The following TNIK variants were observed in gnomAD, a reference collection of about 807,000 sequenced individuals.
The protein encoded by TNIK is TRAF2 and NCK-interacting protein kinase.
TNIK carries 49 observed loss-of-function variants against 191.3 expected under a neutral mutation model. The ratio of observed to expected loss-of-function variants is 0.26; its 90% confidence interval spans 0.20 to 0.32. The LOEUF (loss-of-function observed/expected upper bound fraction) is 0.32. TNIK is among the 10% of genes least tolerant of loss of function. The pLI is 1.00. For synonymous variants in TNIK, 594 were observed against 600.9 expected, an observed-to-expected ratio of 0.99 and a Z score of 0.17; for missense variants, 1,155 against 1,702.3, an observed-to-expected ratio of 0.68 and a Z score of 5.66.
rs1230176918 is a variant in TNIK at position 171,451,293 on chromosome 3, T to C, written c.57+8714A>G. 2.6e-5 allele frequency among the ~76,000 whole-genome samples: 4 copies of C among 152,304 alleles called. No homozygotes were observed. In the East Asian group the frequency reaches 7.7e-4, roughly 29 times the overall value. The stretch of plus-strand genomic sequence containing the variant: ...CAAGCAACCAATGGAGCCACCTACG[T>C]GGGGAGGAACTGAGGCCTCCTGCCA... On this transcript the variant is annotated intron_variant, in intron 1 of 32. Transcript: ENST00000436636.
At chr3:171,307,961 T>C (rs1040191595) in intron 2 of TNIK, among the ~76,000 whole-genome samples, 4 of 152,078 alleles carry the variant, frequency 2.6e-5, no homozygotes, top group African/African-American at 9.7e-5. Context: ...GAAAAATCTA[T>C]CACTGGAAGA....
chr3:171,422,786 C>T (rs1471603545), intron 1 of TNIK, among the ~76,000 whole-genome samples: 1 of 152,198 alleles, frequency 6.6e-6, no homozygotes. Context: ...AAGGAGTTCT[C>T]ATTAGTGAGT....
intron 18 of TNIK, among the ~76,000 whole-genome samples, chr3:171,120,609 G>A (rs542617346): frequency 2.1e-4 from 32 of 152,128 alleles, no homozygotes; most frequent in Non-Finnish European, 3.4e-4. Flanking sequence ...GTGAGCCACC[G>A]CGCCCGGCCT....
intron 2 of TNIK, among the ~76,000 whole-genome samples, chr3:171,337,140 C>T (rs192289434): frequency 1.1e-4 from 16 of 152,372 alleles, no homozygotes; most frequent in Admixed American, 7.8e-4. Flanking sequence ...TGTGCACTAA[C>T]AGGACTCCAG....
intron 7 of TNIK, among the ~76,000 whole-genome samples, chr3:171,179,841 C>T (rs1463671358): frequency 6.6e-6 from 1 of 152,110 alleles, no homozygotes; most frequent in Non-Finnish European, 1.5e-5. Context: ...AGGCTTTAAA[C>T]AGGAAACACA....
Position 171,128,709 on chromosome 3 carries a change from T to A in TNIK, c.1773+5A>T. ...AATGCCTGATGGAATGGAGGCAGAC[T>A]GTACCTGGGGATCGACTGGTCTGAG... On this transcript the variant is annotated splice_donor_5th_base_variant and intron_variant, in intron 16 of 32. Coordinates refer to ENST00000436636, the MANE Select transcript of TNIK (RefSeq NM_015028.4). 6.2e-7 allele frequency: 1 copy of A among 1,606,696 alleles called. No homozygotes were observed. The highest frequency in any genetic ancestry group is 8.5e-7 in the Non-Finnish European group (1 of 1,176,448).
intron 27 of TNIK, among the ~76,000 whole-genome samples, chr3:171,081,082 A>G (rs528222947): frequency 1.3e-5 from 2 of 152,286 alleles, no homozygotes; most frequent in South Asian, 4.1e-4. Context: ...TTGCATTCCC[A>G]CTTTTGGCAG....
At chr3:171,197,677 G>C (rs1488313905) in intron 4 of TNIK, among the ~76,000 whole-genome samples, 1 of 152,172 alleles carries the variant, frequency 6.6e-6, no homozygotes, top group Non-Finnish European at 1.5e-5. Context: ...TAGTCATTAG[G>C]AAAATACAAA....
At chr3:171,228,088 G>A (rs1351009117) in intron 3 of TNIK, 77 bp downstream of exon 3, 2 of 1,464,400 alleles carry the variant, frequency 1.4e-6, no homozygotes, top group Non-Finnish European at 9.5e-7. Context: ...CTTATGATGG[G>A]CCTATCAGGA....
chr3:171,239,630 TG>T (rs1744709234), intron 2 of TNIK, among the ~76,000 whole-genome samples: 1 of 152,226 alleles, frequency 6.6e-6, no homozygotes. Context: ...CTCCAACAGA[TG>T]TCTTCTGTGT....
chr3:171,381,413 T>C (rs1309872900), intron 1 of TNIK, among the ~76,000 whole-genome samples: 1 of 152,212 alleles, frequency 6.6e-6, no homozygotes, highest in Admixed American at 6.5e-5. Flanking sequence ...TTTTCCTAAC[T>C]TGTCTGGCCA....
intron 2 of TNIK, among the ~76,000 whole-genome samples, chr3:171,292,775 CAAAAAAAAA>C (rs59314303): frequency 3.5e-5 from 3 of 85,056 alleles, no homozygotes; most frequent in African/African-American, 8.5e-5. Context: ...GACTCCATCT[CAAAAAAAAA>C]AAAAAAAAAA....
At chr3:171,263,431 G>A (rs113078471) in intron 2 of TNIK, among the ~76,000 whole-genome samples, 96 of 152,294 alleles carry the variant, frequency 6.3e-4, no homozygotes, top group African/African-American at 2.3e-3. Context: ...GTACCAGACT[G>A]CAACTCTGTC....
In TNIK at chr3:171,160,042, C is replaced by A. The variant is rs1261052641; in HGVS notation, c.1016+1228G>T. On this transcript the variant is annotated intron_variant, in intron 11 of 32. Coordinates refer to ENST00000436636, the MANE Select transcript of TNIK (RefSeq NM_015028.4). ...GTAACCTTTTGGGTAAGCTTTTGAA[C>A]ACTGGTGTACAACTTCTCTGAAAGC... is the stretch of plus-strand genomic sequence containing the variant. 3.3e-5 allele frequency among the ~76,000 whole-genome samples: 5 copies of A among 152,204 alleles called. 1 individual carries two copies. Among genetic ancestry groups the A allele is most frequent in the African/African-American group, 1.2e-4 (5 of 41,456 alleles).
intron 28 of TNIK, among the ~76,000 whole-genome samples, chr3:171,073,594 C>G (rs1048982038): frequency 3.9e-5 from 6 of 152,100 alleles, no homozygotes; most frequent in Middle Eastern, 3.2e-3. Context: ...AGACAACCTA[C>G]ATGATGGGAG....
At chr3:171,288,472 G>T (rs1261867983) in intron 2 of TNIK, among the ~76,000 whole-genome samples, 1 of 152,104 alleles carries the variant, frequency 6.6e-6, no homozygotes, top group African/African-American at 2.4e-5. Flanking sequence ...GGTGGCATGA[G>T]GAACATTCAG....
intron 7 of TNIK, among the ~76,000 whole-genome samples, chr3:171,183,921 T>TAAAAA (rs11437224): frequency 8.7e-4 from 75 of 86,376 alleles, no homozygotes; most frequent in Non-Finnish European, 9.6e-4. Flanking sequence ...GACTCCGTCT[T>TAAAAA]AAAAAAAAAA....
chr3:171,400,639 C>T (rs1226595219), intron 1 of TNIK, among the ~76,000 whole-genome samples: 1 of 151,230 alleles, frequency 6.6e-6, no homozygotes, highest in African/African-American at 2.4e-5. Context: ...ATTTCCTCCC[C>T]AAGAATATTC....
intron 2 of TNIK, among the ~76,000 whole-genome samples, chr3:171,277,913 A>G (rs1427841664): frequency 6.6e-6 from 1 of 152,192 alleles, no homozygotes; most frequent in Non-Finnish European, 1.5e-5. Flanking sequence ...ACCTGTGGCT[A>G]CTCAACTCAG....
Sources: gnomAD v4.1 joint callset for allele counts (sites outside exome capture counted in the v4.1 genomes callset) on GRCh38, gnomAD v4.1.1 for gene constraint, MANE v1.5 for transcripts, NCBI Gene and HGNC (gene_info 2026-07-23, HGNC 2026-07-21) for gene names.